Variants in TSPEAR observed in about 807,000 individuals in gnomAD.
TSPEAR encodes the protein thrombospondin-type laminin G domain and EAR repeat-containing protein.
In TSPEAR, 69 loss-of-function variants were observed where a neutral mutation model predicts 71.6. The ratio of observed to expected loss-of-function variants is 0.96; its 90% CI spans 0.79 to 1.18. TSPEAR has a LOEUF of 1.18. Ranked by LOEUF, TSPEAR falls within the 50% of genes most tolerant of loss-of-function variation. The probability of loss-of-function intolerance (pLI) is 0.00; values close to 1 mark genes in which losing one functional copy is unlikely to be tolerated. For synonymous variants in TSPEAR, 402 were observed against 387.2 expected, an observed-to-expected ratio of 1.04 and a Z score of -0.45; for missense variants, 971 against 894.9, an observed-to-expected ratio of 1.09 and a Z score of -1.09.
rs587663747 is a variant in TSPEAR, at chr21:44,504,782, G to A, written c.1854C>T (p.Tyr618=). 1.4e-5 allele frequency: 22 copies of A among 1,612,664 alleles called. No homozygotes were observed. In the South Asian group the frequency reaches 1.5e-4, roughly 11 times the overall value. The change falls in exon 11 of 12, where the codon TAC becomes TAT. Residue 618 remains tyrosine, a splice_region_variant and synonymous_variant. Transcript: ENST00000323084. The part of the protein sequence containing the change: ...GRTFSVNSII[Y]RWQGYEGFVA... ...GGCCGGCCTCGGCAGCTCATTACCT[G>A]TAAATAATACTGTTCACCGAGAAGG...
chr21:44,625,775 T>G (rs1371129735), intron 1 of TSPEAR, among the ~76,000 whole-genome samples: 2 of 150,918 alleles, frequency 1.3e-5, no homozygotes, highest in African/African-American at 4.9e-5. Context: ...GCACCTTCTC[T>G]CCGGCTGCTC....
Position 44,525,653 on chromosome 21 carries a change from C to G in TSPEAR, c.1336G>C (p.Gly446Arg). 2 of 1,613,996 alleles carry G rather than the reference C, an allele frequency of 1.2e-6. No homozygotes were observed. Among genetic ancestry groups the G allele is most frequent in the Non-Finnish European group, 1.7e-6 (2 of 1,179,932 alleles). ...HFLAVANHRE[G>R]DNHNIDSVIY... ...GGTGTGAAGGCCACTCCTGCCCTACCTTCCCGGTGGTTGGCCACCGCCAGG... is the reference window on the plus strand; with the variant it reads ...GGTGTGAAGGCCACTCCTGCCCTACGTTCCCGGTGGTTGGCCACCGCCAGG... Residue 446 changes from glycine to arginine, a missense_variant and splice_region_variant, in exon 8 of 12, where the codon GGC becomes CGC. Gly to Arg is a moderately radical substitution (Grantham distance 125). Coordinates refer to ENST00000323084, the MANE Select transcript of TSPEAR (RefSeq NM_144991.3).
intron 1 of TSPEAR, chr21:44,702,450 C>T: frequency 3.7e-6 from 6 of 1,610,880 alleles, no homozygotes; most frequent in Non-Finnish European, 5.1e-6. Context: ...GCACCTCCTC[C>T]CCAAGCCAGC....
Position 44,689,712 on chromosome 21 carries a change from AATAT to A in TSPEAR, c.82+21717_82+21720del, listed in dbSNP as rs71199618. 2.3e-4 allele frequency among the ~76,000 whole-genome samples: 14 copies of A among 62,050 alleles called. 1 individual carries two copies. Among genetic ancestry groups the A allele is most frequent in the East Asian group, 9.4e-4 (2 of 2,136 alleles). The allele number at this position is 62,050 out of a possible 152,430, so 40.7% of individuals were successfully genotyped here. A position where few individuals can be genotyped will look rare whatever the true frequency, so the allele number is the denominator to read the frequency against. On this transcript the variant is annotated intron_variant, in intron 1 of 11. Transcript: ENST00000323084. ...TCCCTTAGAGGGACAGAATAGAATG[AATAT>A]ATATATATATATATATATATATATT...
At chr21:44,693,398 T>G (rs1987199366) in intron 1 of TSPEAR, among the ~76,000 whole-genome samples, 1 of 152,118 alleles carries the variant, frequency 6.6e-6, no homozygotes, top group Non-Finnish European at 1.5e-5. Context: ...CAGAGAACAC[T>G]GTCAAGAAAG....
At chr21:44,515,025 C>T (rs781831648) in intron 9 of TSPEAR, among the ~76,000 whole-genome samples, 2 of 152,192 alleles carry the variant, frequency 1.3e-5, no homozygotes, top group Non-Finnish European at 2.9e-5. Flanking sequence ...ACCCCACCTG[C>T]ACCCCACACC....
chr21:44,651,979 C>CTT (rs60867977), intron 1 of TSPEAR, among the ~76,000 whole-genome samples: 119 of 124,484 alleles, frequency 9.6e-4, no homozygotes, highest in Middle Eastern at 5.2e-3. Flanking sequence ...ATAAAACTTT[C>CTT]TTTTTTTTTT....
intron 1 of TSPEAR, among the ~76,000 whole-genome samples, chr21:44,674,275 G>GCACTTTGGGAGGCCGAGGCGGGCGGA (rs1555946502): frequency 4.8e-5 from 7 of 146,934 alleles, no homozygotes; most frequent in Non-Finnish European, 9.2e-5. Context: ...ATACAAAGAA[G>GCACTTTGGGAGGCCGAGGCGGGCGGA]TAACAAAACA....
intron 8 of TSPEAR, among the ~76,000 whole-genome samples, chr21:44,525,410 T>C (rs1326878440): frequency 6.6e-6 from 1 of 152,170 alleles, no homozygotes; most frequent in Non-Finnish European, 1.5e-5. Context: ...CTGGCAGGTA[T>C]TCTGTGCTGG....
chr21:44,511,894 C>A (rs587711946), intron 9 of TSPEAR, among the ~76,000 whole-genome samples: 6 of 152,238 alleles, frequency 3.9e-5, no homozygotes, highest in Non-Finnish European at 8.8e-5. Context: ...CAAGTTGGGG[C>A]TGAGCCGGGC....
intron 1 of TSPEAR, chr21:44,702,418 T>C: frequency 2.1e-6 from 3 of 1,447,720 alleles, no homozygotes; most frequent in Non-Finnish European, 2.9e-6. Flanking sequence ...CTGCCAGCAG[T>C]CTAGCTGCCA....
At chr21:44,522,402 G>A (rs951885429) in intron 8 of TSPEAR, among the ~76,000 whole-genome samples, 1 of 152,220 alleles carries the variant, frequency 6.6e-6, no homozygotes, top group African/African-American at 2.4e-5. Context: ...CCTGGAGGTG[G>A]GGCCCACCGT....
chr21:44,671,583 C>T (rs1234573543), intron 1 of TSPEAR, among the ~76,000 whole-genome samples: 1 of 152,218 alleles, frequency 6.6e-6, no homozygotes, highest in African/African-American at 2.4e-5. Context: ...ATCACAAACA[C>T]TAGTGATGCT....
At chr21:44,641,815 C>G (rs964418398) in intron 1 of TSPEAR, among the ~76,000 whole-genome samples, 1 of 152,170 alleles carries the variant, frequency 6.6e-6, no homozygotes, top group Admixed American at 6.5e-5. Context: ...GGAAGAAATT[C>G]CGCACCTAGA....
At chr21:44,641,322 AC>A (rs1744137237) in intron 1 of TSPEAR, among the ~76,000 whole-genome samples, 1 of 152,152 alleles carries the variant, frequency 6.6e-6, no homozygotes, top group Non-Finnish European at 1.5e-5. Flanking sequence ...GAAGGAAAAC[AC>A]CCCAAGTTCC....
At chr21:44,616,929 G>C (rs1370929620) in intron 1 of TSPEAR, among the ~76,000 whole-genome samples, 2 of 152,240 alleles carry the variant, frequency 1.3e-5, no homozygotes, top group East Asian at 1.9e-4. Context: ...TGGGCTAAAA[G>C]TTCCTGGGAG....
At chr21:44,616,775 C>T (rs889237792) in intron 1 of TSPEAR, among the ~76,000 whole-genome samples, 2 of 152,258 alleles carry the variant, frequency 1.3e-5, no homozygotes, top group African/African-American at 4.8e-5. Flanking sequence ...TGCGGTGTGA[C>T]CACACCAAGC....
At chr21:44,592,889 C>T (rs1177003156) in intron 1 of TSPEAR, among the ~76,000 whole-genome samples, 1 of 152,186 alleles carries the variant, frequency 6.6e-6, no homozygotes, top group African/African-American at 2.4e-5. Context: ...GGTCCTTCCC[C>T]CATCACCGGA....
chr21:44,709,611 C>A (rs1241848590), intron 1 of TSPEAR, among the ~76,000 whole-genome samples: 1 of 152,278 alleles, frequency 6.6e-6, no homozygotes, highest in Non-Finnish European at 1.5e-5. Flanking sequence ...GGGTCAACCA[C>A]CCGCCGCGGC....
Sources: gnomAD v4.1 joint callset for allele counts (sites outside exome capture counted in the v4.1 genomes callset) on GRCh38, gnomAD v4.1.1 for gene constraint, MANE v1.5 for transcripts, NCBI Gene and HGNC (gene_info 2026-07-23, HGNC 2026-07-21) for gene names.